The following COL5A1 variants were observed in gnomAD, a reference collection of about 807,000 sequenced individuals.
The protein encoded by COL5A1 is collagen type V alpha 1 chain.
In COL5A1, 16 loss-of-function variants were observed where a neutral mutation model predicts 263.7. That is an observed-to-expected ratio of 0.06 (90% confidence interval 0.04 to 0.09). COL5A1 has a LOEUF of 0.09. Among genes scored for constraint, COL5A1 ranks in the 10% least tolerant of loss-of-function variants. The pLI, the probability that COL5A1 is intolerant of heterozygous loss-of-function variation, is 1.00. For synonymous variants in COL5A1, 1,012 were observed against 1,004.5 expected (o/e 1.01, Z -0.14); for missense variants, 2,036 against 2,540.5 (o/e 0.80, Z 4.27).
intron 4 of COL5A1, among the ~76,000 whole-genome samples, chr9:134,705,165 G>A (rs1833795903): frequency 6.6e-6 from 1 of 152,178 alleles, no homozygotes; most frequent in African/African-American, 2.4e-5. Flanking sequence ...GTTTTTCCTG[G>A]GGTGTCTGTG....
intron 59 of COL5A1, among the ~76,000 whole-genome samples, chr9:134,822,600 G>A (rs886629898): frequency 2.7e-4 from 41 of 152,198 alleles, no homozygotes; most frequent in Admixed American, 1.3e-4. Flanking sequence ...TGGGCTGCAG[G>A]TACACATGGC....
At chr9:134,646,819 C>T (rs1831491381) in intron 1 of COL5A1, among the ~76,000 whole-genome samples, 1 of 152,118 alleles carries the variant, frequency 6.6e-6, no homozygotes, top group Admixed American at 6.5e-5. Context: ...AATCAGATTA[C>T]TGAACTCCAG....
chr9:134,728,988 T>C (rs1834761209), intron 6 of COL5A1, among the ~76,000 whole-genome samples, 181 bp downstream of exon 6: 1 of 152,174 alleles, frequency 6.6e-6, no homozygotes, highest in South Asian at 2.1e-4. Flanking sequence ...ACGGGGCGTA[T>C]CGGGCTTTCC....
chr9:134,661,987 G>A (rs890059858), intron 1 of COL5A1, among the ~76,000 whole-genome samples: 2 of 152,084 alleles, frequency 1.3e-5, no homozygotes, highest in African/African-American at 4.8e-5. Flanking sequence ...TCTCTGGGGC[G>A]GTTACTCACG....
chr9:134,747,861 A>G lies in COL5A1; in HGVS notation c.1495-2681A>G, dbSNP rs530240679. ...CAGACACATGCACACATGCATTCAT[A>G]CACACATGCAGACACATGCACACAT... On this transcript the variant is annotated intron_variant, in intron 11 of 65. Coordinates refer to ENST00000371817, the MANE Select transcript of COL5A1 (RefSeq NM_000093.5). Among the ~76,000 whole-genome samples the G allele has an allele frequency of 3.1e-3, 463 of 150,022 alleles. 5 individuals carry two copies. Among genetic ancestry groups the G allele is most frequent in the African/African-American group, 0.01 (413 of 40,640 alleles).
chr9:134,782,700 A>G lies in COL5A1; in HGVS notation c.2464A>G (p.Met822Val), dbSNP rs1060502262. The G allele has an allele frequency of 6.2e-7, 1 of 1,602,402 alleles. No homozygotes were observed. Among genetic ancestry groups the G allele is most frequent in the Non-Finnish European group, 8.5e-7 (1 of 1,173,084 alleles). Residue 822 changes from methionine (M) to valine (V), a missense_variant, in exon 29 of 66, where the codon ATG becomes GTG. Physicochemically the swap from Met to Val is conservative, Grantham distance 21. This residue lies in a region of COL5A1 where 1,078 missense variants were observed against 1,521.4 expected (regional missense o/e 0.71). Coordinates refer to ENST00000371817, the MANE Select transcript of COL5A1 (RefSeq NM_000093.5). ...EDGFPGFKGD[M>V]GIKGDRGEIG... ...CGGCTTTCCTGGGTTTAAAGGAGAC[A>G]TGGGCATCAAGGGTGATCGGGTGAG...
intron 38 of COL5A1, among the ~76,000 whole-genome samples, chr9:134,802,632 G>A (rs1350322520): frequency 2.6e-5 from 4 of 152,208 alleles, no homozygotes; most frequent in African/African-American, 7.2e-5. Flanking sequence ...AGGCTTGGCC[G>A]TGCCTCCTGA....
At chr9:134,817,268 A>T (rs1439850729) in intron 53 of COL5A1, among the ~76,000 whole-genome samples, 189 bp downstream of exon 53, 1 of 152,216 alleles carries the variant, frequency 6.6e-6, no homozygotes, top group Admixed American at 6.5e-5. Context: ...AGGTCGACGC[A>T]GCTGCTCCTT....
rs534665975 is a variant in COL5A1, at chr9:134,725,085, C to T, written c.655-2181C>T. ...GCCCTGCCCCAAGTCCCCTTGCCTG[C>T]GGCACCGTCTCTGGTGGCGGGACCG... On this transcript the variant is annotated intron_variant, in intron 4 of 65. Coordinates refer to ENST00000371817, the MANE Select transcript of COL5A1 (RefSeq NM_000093.5). Among the ~76,000 whole-genome samples, 4 of 152,300 alleles carry T rather than the reference C, an allele frequency of 2.6e-5. No individual in the cohort carries two copies. The South Asian group carries it at 6.2e-4, about 24-fold the overall frequency.
intron 1 of COL5A1, among the ~76,000 whole-genome samples, chr9:134,653,751 G>A (rs764808488): frequency 5.8e-4 from 88 of 151,002 alleles, no homozygotes; most frequent in Admixed American, 3.2e-3. Context: ...CTATAGGGCT[G>A]GGGACTCTGC....
rs1396432784 is a variant in COL5A1, at chr9:134,821,158, C to T, written c.4554+935C>T. The stretch of plus-strand genomic sequence containing the variant: ...GCAGGGTCGTCGGAGGAGTGCCGCC[C>T]AGGGTGTGGTGGCCCGGCAACCACG... On this transcript the variant is annotated intron_variant, in intron 58 of 65. Coordinates refer to ENST00000371817, the MANE Select transcript of COL5A1 (RefSeq NM_000093.5). This position sits in a 1 kb window ranked among gnomAD's most constrained non-coding sequence, Gnocchi z 4.2. 6.6e-6 allele frequency among the ~76,000 whole-genome samples: 1 copy of T among 152,164 alleles called. No homozygotes were observed. The highest frequency in any genetic ancestry group is 2.4e-5 in the African/African-American group (1 of 41,442).
intron 58 of COL5A1, among the ~76,000 whole-genome samples, chr9:134,820,939 C>T (rs949066583): frequency 6.6e-6 from 1 of 152,180 alleles, no homozygotes; most frequent in Admixed American, 6.5e-5. Context: ...ACGCCCATGC[C>T]TCATAGGATG....
At chr9:134,774,798 A>T in intron 26 of COL5A1, 61 bp from the exon 27 acceptor site, 18 of 1,542,200 alleles carry the variant, frequency 1.2e-5, no homozygotes, top group Non-Finnish European at 1.5e-5. Context: ...GAGTTTCCTG[A>T]TGTTCCCCAG....
intron 50 of COL5A1, among the ~76,000 whole-genome samples, chr9:134,815,110 AG>A (rs1838690961): frequency 6.6e-6 from 1 of 152,224 alleles, no homozygotes; most frequent in African/African-American, 2.4e-5. Context: ...GGACTGGAGG[AG>A]AAAGCCCTGA....
At chr9:134,653,077 G>A in intron 1 of COL5A1, 1 of 185,046 alleles carries the variant, frequency 5.4e-6, no homozygotes, top group Non-Finnish European at 1.1e-5. Flanking sequence ...GAAGAGAGGA[G>A]GGTGTGGCTG....
At chr9:134,793,439 T>G (rs1226756874) in intron 32 of COL5A1, among the ~76,000 whole-genome samples, 1 of 152,048 alleles carries the variant, frequency 6.6e-6, no homozygotes, top group Non-Finnish European at 1.5e-5. Context: ...ATTCTTTGGC[T>G]TGAGTTAGTT....
rs377151385 is a variant in COL5A1 at position 134,751,054 on chromosome 9, C to T, written c.1662+172C>T. ...TGTGGGAGCGTCCAGTCCTCAGTGTCCAGTAGGGACCCCGAGAGCATGTCA... is the reference window on the plus strand; with the variant it reads ...TGTGGGAGCGTCCAGTCCTCAGTGTTCAGTAGGGACCCCGAGAGCATGTCA... On this transcript the variant is annotated intron_variant, in intron 13 of 65. Transcript: ENST00000371817. Among the ~76,000 whole-genome samples the T allele has an allele frequency of 5.1e-4, 78 of 152,176 alleles. 1 individual carries two copies. The highest frequency in any genetic ancestry group is 1.8e-3 in the African/African-American group (73 of 41,534).
At position 134,677,858 on chromosome 9, in the gene COL5A1, C is replaced by T. The variant is rs1405251142; in HGVS notation, c.110-13054C>T. Reference sequence around the variant, plus strand: ...GCTTTCTCCACAGCTGCCTGGAACGCCCCATGGCATGGTTCCACGGGAGGG... The same window carrying T: ...GCTTTCTCCACAGCTGCCTGGAACGTCCCATGGCATGGTTCCACGGGAGGG... On this transcript the variant is annotated intron_variant, in intron 1 of 65. Coordinates refer to ENST00000371817, the MANE Select transcript of COL5A1 (RefSeq NM_000093.5). The surrounding 1 kb of genome is among the most constrained non-coding windows in gnomAD (Gnocchi z 4.4). Among the ~76,000 whole-genome samples the T allele has an allele frequency of 6.6e-6, 1 of 152,234 alleles. No individual in the cohort carries two copies. The highest frequency in any genetic ancestry group is 1.5e-5 in the Non-Finnish European group (1 of 68,040).
intron 14 of COL5A1, 33 bp from the exon 15 acceptor site, chr9:134,753,817 G>A (rs559741335): frequency 1.4e-5 from 19 of 1,377,128 alleles, no homozygotes; most frequent in African/African-American, 6.3e-5. Flanking sequence ...TCCCCACCTC[G>A]AGCAGACATT....
Sources: allele counts gnomAD v4.1 joint callset (sites outside exome capture counted in the v4.1 genomes callset), GRCh38; gene constraint gnomAD v4.1.1; regional missense constraint gnomAD v4.1.1; non-coding constraint Gnocchi (gnomAD v3.1); transcripts MANE v1.5; gene names NCBI Gene and HGNC (gene_info 2026-07-23, HGNC 2026-07-21).